The following MTA3 variants were observed in gnomAD, a reference collection of about 807,000 sequenced individuals.
MTA3 encodes metastasis-associated protein MTA3.
A neutral mutation model predicts 83.5 loss-of-function variants in MTA3; 34 were observed. The ratio of observed to expected loss-of-function variants is 0.41; its 90% confidence interval spans 0.31 to 0.54. The LOEUF is 0.54. Among genes scored for constraint, MTA3 ranks in the 20% least tolerant of loss-of-function variants. The pLI, the probability that MTA3 is intolerant of heterozygous loss-of-function variation, is 0.33. For synonymous variants in MTA3, 303 were observed against 252.7 expected (o/e 1.20, Z -1.89); for missense variants, 761 against 726.4 (o/e 1.05, Z -0.55).
At chr2:42,580,411 A>T (rs1679489736) in intron 3 of MTA3, among the ~76,000 whole-genome samples, 1 of 151,642 alleles carries the variant, frequency 6.6e-6, no homozygotes, top group African/African-American at 2.4e-5. Flanking sequence ...TTGCTCTGTC[A>T]CCCAGACTGG....
intron 2 of MTA3, among the ~76,000 whole-genome samples, chr2:42,512,455 C>A (rs922849330): frequency 6.6e-6 from 1 of 152,190 alleles, no homozygotes; most frequent in Non-Finnish European, 1.5e-5. Context: ...TTAACATTTG[C>A]TAGTACTCTA....
chr2:42,742,262 C>T (rs1669093602), intron 16 of MTA3, among the ~76,000 whole-genome samples: 1 of 152,024 alleles, frequency 6.6e-6, no homozygotes, highest in South Asian at 2.1e-4. Context: ...CCTTAGCTTC[C>T]AGAGTAGCTG....
intron 15 of MTA3, among the ~76,000 whole-genome samples, chr2:42,720,155 C>CTTTATTTACTTATTTA (rs1667298301): frequency 6.8e-6 from 1 of 147,598 alleles, no homozygotes; most frequent in Admixed American, 6.7e-5. Context: ...TTATTCCTTG[C>CTTTATTTACTTATTTA]TTTATTTATT....
chr2:42,746,324 A>G (rs1374940351), intron 16 of MTA3, among the ~76,000 whole-genome samples: 1 of 152,190 alleles, frequency 6.6e-6, no homozygotes, highest in Non-Finnish European at 1.5e-5. Flanking sequence ...AAGCCCTATT[A>G]AGGGGAAAAA....
chr2:42,733,784 GC>G (rs1440911195), intron 16 of MTA3, among the ~76,000 whole-genome samples: 1 of 152,120 alleles, frequency 6.6e-6, no homozygotes, highest in African/African-American at 2.4e-5. Flanking sequence ...ACAGGTATGA[GC>G]CACTGCACCT....
At chr2:42,622,160 C>T (rs189337166) in intron 4 of MTA3, among the ~76,000 whole-genome samples, 5 of 152,264 alleles carry the variant, frequency 3.3e-5, no homozygotes, top group Admixed American at 1.3e-4. Context: ...CCCGGCACCT[C>T]GGGAGGCCGA....
At chr2:42,567,508 C>G (rs1037953388), upstream of MTA3, among the ~76,000 whole-genome samples, 1 of 152,158 alleles carries the variant, frequency 6.6e-6, no homozygotes, top group East Asian at 1.9e-4. Flanking sequence ...ACCACACATT[C>G]CAAACAAGCC....
intron 9 of MTA3, among the ~76,000 whole-genome samples, chr2:42,683,803 T>A (rs1052976264): frequency 1.3e-5 from 2 of 152,168 alleles, no homozygotes; most frequent in Non-Finnish European, 2.9e-5. Flanking sequence ...GGGGAGTGGC[T>A]GTAAATACAG....
At chr2:42,511,664 C>G (rs944282656) in intron 2 of MTA3, 1 of 152,378 alleles carries the variant, frequency 6.6e-6, no homozygotes, top group African/African-American at 2.4e-5. Flanking sequence ...TGCAGTGAGC[C>G]AAGATCGCCC....
chr2:42,558,366 A>T (rs1366850801), intron 2 of MTA3, among the ~76,000 whole-genome samples: 1 of 147,054 alleles, frequency 6.8e-6, no homozygotes, highest in East Asian at 2.0e-4. Flanking sequence ...TCAGCCTCCC[A>T]AGTAGCTGGG....
chr2:42,495,827 T>C (rs1298857904), intron 2 of MTA3, among the ~76,000 whole-genome samples: 2 of 152,122 alleles, frequency 1.3e-5, no homozygotes, highest in African/African-American at 2.4e-5. Context: ...AACCCAGGAA[T>C]GGGATCCCCA....
chr2:42,648,094 G>A (rs1688385136), intron 6 of MTA3, among the ~76,000 whole-genome samples: 1 of 152,190 alleles, frequency 6.6e-6, no homozygotes, highest in South Asian at 2.1e-4. Flanking sequence ...ACCTGCCTTG[G>A]CCTCCCAAGG....
intron 2 of MTA3, among the ~76,000 whole-genome samples, chr2:42,558,688 C>T (rs1435658996): frequency 6.6e-6 from 1 of 151,500 alleles, no homozygotes; most frequent in Non-Finnish European, 1.5e-5. Flanking sequence ...GCTGGGACTA[C>T]ATGCACACGC....
At position 42,640,988 on chromosome 2, in the gene MTA3, C is replaced by T. The variant is rs188475798; in HGVS notation, c.381+752C>T. On this transcript the variant is annotated intron_variant, in intron 5 of 16. Transcript: ENST00000405094. ...GTGACGTGATCTTGACCCACTGCAA[C>T]CTCCGCCTCCCGGGTTCAAGCAATT... Among the ~76,000 whole-genome samples the T allele has an allele frequency of 6.0e-3, 914 of 152,288 alleles. 5 individuals are homozygous for T. Among genetic ancestry groups the T allele is most frequent in the South Asian group, 0.017 (83 of 4,832 alleles).
At chr2:42,521,566 T>C (rs748781403) in intron 2 of MTA3, among the ~76,000 whole-genome samples, 3 of 152,122 alleles carry the variant, frequency 2.0e-5, no homozygotes, top group Non-Finnish European at 4.4e-5. Context: ...TAGTACAATG[T>C]TACACATGGA....
At chr2:42,504,954 T>C (rs545767763) in intron 2 of MTA3, among the ~76,000 whole-genome samples, 1 of 152,310 alleles carries the variant, frequency 6.6e-6, no homozygotes, top group South Asian at 2.1e-4. Context: ...CCTGTTGGAC[T>C]GGGATGACCC....
chr2:42,747,008 T>G (rs1427444109), intron 16 of MTA3, among the ~76,000 whole-genome samples: 1 of 105,190 alleles, frequency 9.5e-6, no homozygotes, highest in Non-Finnish European at 1.9e-5. Context: ...CTAATTTTGT[T>G]TTTTTTTTTT....
intron 9 of MTA3, among the ~76,000 whole-genome samples, chr2:42,686,268 T>C (rs1042560081): frequency 5.9e-5 from 9 of 152,262 alleles, no homozygotes; most frequent in African/African-American, 2.2e-4. Flanking sequence ...TATTTAGTGG[T>C]TAGCGATAGC....
At chr2:42,523,667 C>A (rs547167675) in intron 2 of MTA3, among the ~76,000 whole-genome samples, 58 of 152,278 alleles carry the variant, frequency 3.8e-4, no homozygotes, top group Admixed American at 1.7e-3. Context: ...AACCCCAGCA[C>A]TTTGAGAGGC....
Sources: gnomAD v4.1 joint callset for allele counts (sites outside exome capture counted in the v4.1 genomes callset) on GRCh38, gnomAD v4.1.1 for gene constraint, MANE v1.5 for transcripts, NCBI Gene and HGNC (gene_info 2026-07-23, HGNC 2026-07-21) for gene names.